The following GSE1 variants were observed in gnomAD, a reference collection of about 807,000 sequenced individuals.
The protein encoded by GSE1 is Gse1 coiled-coil protein.
In GSE1, 32 loss-of-function variants were observed where a neutral mutation model predicts 112.6. That is an observed-to-expected ratio of 0.28 (90% confidence interval 0.21 to 0.38). The LOEUF (loss-of-function observed/expected upper bound fraction) is 0.38, where lower values mean the gene tolerates loss of function less well. GSE1 is among the 10% of genes least tolerant of loss of function. The probability of loss-of-function intolerance (pLI) is 1.00; values close to 1 mark genes in which losing one functional copy is unlikely to be tolerated. For missense variants in GSE1, 2,348 were observed against 1,699.2 expected (o/e 1.38, Z -6.71); for synonymous variants, 1,115 against 735.6 (o/e 1.52, Z -8.35).
chr16:85,589,204 C>T (rs1291943673), intron 1 of GSE1, among the ~76,000 whole-genome samples: 2 of 152,196 alleles, frequency 1.3e-5, no homozygotes, highest in Non-Finnish European at 2.9e-5. Context: ...CCACTCTGCA[C>T]CCCAGACCTC....
chr16:85,668,165 G>C lies in GSE1; in HGVS notation c.3156G>C (p.Glu1052Asp). 6.2e-7 allele frequency: 1 copy of C among 1,601,262 alleles called. No homozygotes were observed. The highest frequency in any genetic ancestry group is 8.5e-7 in the Non-Finnish European group (1 of 1,172,236). The change falls in exon 14 of 16, where the codon GAG becomes GAC. Residue 1052 changes from glutamate to aspartate, a missense_variant. Transcript: ENST00000253458. ...GGAGCGTGGCTGTGCTGTCTGCAGA[G>C]CAGAACCACAAGGTTGACACGTCCG... Reference protein sequence around the residue: ...HKGSVAVLSAEQNHKVDTSVH... With the variant: ...HKGSVAVLSADQNHKVDTSVH...
In GSE1 at chr16:85,394,436, A is replaced by C. The variant is rs191017674; in HGVS notation, c.2464+36793A>C. The stretch of plus-strand genomic sequence containing the variant: ...TTGCTTCTGTGATGTTCACAGGAAG[A>C]GGACGGTTGGGCTTTGAGGGTCCCT... On this transcript the variant is annotated intron_variant, in intron 2 of 2. Coordinates refer to the GSE1 transcript ENST00000637419. Among the ~76,000 whole-genome samples, 191 of 152,296 alleles carry C rather than the reference A, an allele frequency of 1.3e-3. 1 individual carries two copies. Among genetic ancestry groups the C allele is most frequent in the African/African-American group, 4.5e-3 (188 of 41,552 alleles).
chr16:85,555,379 G>A (rs1473207640), upstream of GSE1: 61 of 984,674 alleles, frequency 6.2e-5, no homozygotes, highest in East Asian at 1.1e-4. Context: ...GCCGGGCCAG[G>A]GAGATAACCA....
intron 1 of GSE1, among the ~76,000 whole-genome samples, chr16:85,587,101 G>T (rs2046735488): frequency 6.6e-6 from 1 of 151,910 alleles, no homozygotes; most frequent in South Asian, 2.1e-4. Flanking sequence ...AGTAGGATGG[G>T]CCTCGGCCTC....
At chr16:85,236,781 C>T (rs188199881) in intron 1 of GSE1, among the ~76,000 whole-genome samples, 29 of 152,134 alleles carry the variant, frequency 1.9e-4, no homozygotes, top group Non-Finnish European at 3.4e-4. Flanking sequence ...GGGAACAACT[C>T]CTGCTGCCTG....
chr16:85,500,612 C>T (rs2051327987), intron 2 of GSE1, among the ~76,000 whole-genome samples: 1 of 152,244 alleles, frequency 6.6e-6, no homozygotes, highest in Admixed American at 6.5e-5. Context: ...GTGGGGTGTG[C>T]CAGGGCATCG....
At chr16:85,327,926 G>T (rs76977517) in intron 1 of GSE1, among the ~76,000 whole-genome samples, 3,210 of 152,206 alleles carry the variant, frequency 0.021, 58 homozygotes, top group Non-Finnish European at 0.029. Context: ...TAGGGGGGCG[G>T]ATGGCTCATC....
chr16:85,224,745 T>G (rs2075453377), intron 1 of GSE1, among the ~76,000 whole-genome samples: 1 of 152,084 alleles, frequency 6.6e-6, no homozygotes, highest in Admixed American at 6.5e-5. Flanking sequence ...ATCCCAGCAC[T>G]TTGGGAGGCT....
chr16:85,665,528 G>A (rs2052773752), intron 12 of GSE1, among the ~76,000 whole-genome samples: 2 of 152,208 alleles, frequency 1.3e-5, no homozygotes, highest in African/African-American at 4.8e-5. Flanking sequence ...CTCTCTTCCT[G>A]CTCTTTGTCT....
At chr16:85,644,812 G>T (rs2050720818) in intron 2 of GSE1, among the ~76,000 whole-genome samples, 3 of 151,966 alleles carry the variant, frequency 2.0e-5, no homozygotes, top group African/African-American at 7.3e-5. Context: ...ATAGCTCGGT[G>T]AAGCTATAAC....
At chr16:85,427,736 G>A (rs766625658) in intron 2 of GSE1, among the ~76,000 whole-genome samples, 1 of 152,140 alleles carries the variant, frequency 6.6e-6, no homozygotes, top group Non-Finnish European at 1.5e-5. Flanking sequence ...GGAAGCTGAG[G>A]CAGGGGAATC....
chr16:85,663,497 C>T lies in GSE1; in HGVS notation c.2527C>T (p.Leu843=). 6.2e-7 allele frequency: 1 copy of T among 1,613,976 alleles called. No homozygotes were observed. Among genetic ancestry groups the T allele is most frequent in the Non-Finnish European group, 8.5e-7 (1 of 1,180,036 alleles). Residue 843 remains leucine (L), a synonymous_variant, in exon 11 of 16, where the codon CTG becomes TTG. Coordinates refer to ENST00000253458, the MANE Select transcript of GSE1 (RefSeq NM_014615.5). ...QSKRQTPSPR[L]ALSTRYSPDE... is the part of the protein sequence containing the mutation. ...CAAGCGGCAGACGCCTTCACCGAGA[C>T]TGGCGCTGTCTACCCGCTACAGCCC... is the stretch of plus-strand genomic sequence containing the variant.
chr16:85,320,838 A>G (rs1343587859), intron 1 of GSE1, among the ~76,000 whole-genome samples: 2 of 151,830 alleles, frequency 1.3e-5, no homozygotes, highest in Non-Finnish European at 2.9e-5. Flanking sequence ...CCTTCTTGCT[A>G]TTGCTCCACA....
At chr16:85,529,266 G>A (rs1348256789) in intron 2 of GSE1, among the ~76,000 whole-genome samples, 6 of 152,210 alleles carry the variant, frequency 3.9e-5, no homozygotes, top group Non-Finnish European at 5.9e-5. Context: ...GGAAGGCCAC[G>A]TCGGTGGCTC....
chr16:85,417,408 A>C (rs370314516), intron 2 of GSE1, among the ~76,000 whole-genome samples: 28,175 of 152,172 alleles, frequency 0.19, 2,779 homozygotes, highest in Middle Eastern at 0.32. Context: ...GAGCTGGAAG[A>C]AGATCCTTGG....
Position 85,661,702 on chromosome 16 carries a change from C to T in GSE1, c.2197C>T (p.Arg733Cys), listed in dbSNP as rs371439357. 1.2e-5 allele frequency: 19 copies of T among 1,600,572 alleles called. No individual in the cohort carries two copies. The highest frequency in any genetic ancestry group is 1.0e-4 in the South Asian group (9 of 89,718). ...CATCTATGATGAGTTCCTGCAGCAG[C>T]GCCGGAGGCTGGTCAGCAAGCTGGA... ...AYIYDEFLQQRRRLVSKLDLE... is the reference protein window; with the variant it reads ...AYIYDEFLQQCRRLVSKLDLE... Residue 733 changes from arginine (R) to cysteine (C), a missense_variant, in exon 9 of 16, where the codon CGC (arginine) becomes TGC (cysteine). Transcript: ENST00000253458.
At chr16:85,288,953 A>C (rs939373918) in intron 1 of GSE1, among the ~76,000 whole-genome samples, 43 of 152,272 alleles carry the variant, frequency 2.8e-4, no homozygotes, top group African/African-American at 9.9e-4. Flanking sequence ...AGGACACTGC[A>C]GGGAGGGGAG....
chr16:85,485,883 C>T (rs1196587596), intron 2 of GSE1, among the ~76,000 whole-genome samples: 1 of 152,220 alleles, frequency 6.6e-6, no homozygotes, highest in African/African-American at 2.4e-5. Flanking sequence ...CACCGATGTT[C>T]TTCCCCCAAA....
chr16:85,486,043 C>T (rs935689455), intron 2 of GSE1, among the ~76,000 whole-genome samples: 2 of 152,164 alleles, frequency 1.3e-5, no homozygotes, highest in African/African-American at 2.4e-5. Context: ...GGGGACGTAA[C>T]GGCAGCTCAG....
Sources: gnomAD v4.1 joint callset for allele counts (sites outside exome capture counted in the v4.1 genomes callset) on GRCh38, gnomAD v4.1.1 for gene constraint, MANE v1.5 for transcripts, NCBI Gene and HGNC (gene_info 2026-07-23, HGNC 2026-07-21) for gene names.